The following TOPBP1 variants were observed in gnomAD, a reference collection of about 807,000 sequenced individuals.
TOPBP1 encodes the protein DNA topoisomerase 2-binding protein 1.
Under a neutral mutation model 167.7 loss-of-function variants are expected in TOPBP1, and 28 were observed. That is an observed-to-expected ratio of 0.17 (90% confidence interval 0.12 to 0.23). TOPBP1 has a LOEUF of 0.23. Ranked by LOEUF, TOPBP1 falls within the 10% of genes least tolerant of loss-of-function variation. TOPBP1 has a pLI of 1.00. For synonymous variants in TOPBP1, 598 were observed against 611.4 expected (o/e 0.98, Z 0.32); for missense variants, 1,554 against 1,809.6 (o/e 0.86, Z 2.56).
At chr3:133,629,557 T>C (rs986181602) in intron 14 of TOPBP1, among the ~76,000 whole-genome samples, 1 of 152,120 alleles carries the variant, frequency 6.6e-6, no homozygotes, top group Non-Finnish European at 1.5e-5. Flanking sequence ...TTAGACCCAA[T>C]TTCTTTTTAA....
At chr3:133,638,812 A>G (rs1455815524) in intron 13 of TOPBP1, among the ~76,000 whole-genome samples, 1 of 152,190 alleles carries the variant, frequency 6.6e-6, no homozygotes, top group Non-Finnish European at 1.5e-5. Context: ...AAACCTTATT[A>G]GATAGCTACT....
intron 27 of TOPBP1, among the ~76,000 whole-genome samples, chr3:133,606,633 C>T (rs948506483): frequency 1.3e-5 from 2 of 151,400 alleles, no homozygotes; most frequent in African/African-American, 2.4e-5. Context: ...TCAAAAGTTG[C>T]TGTACAGCTA....
rs781644540 is a variant in TOPBP1, at chr3:133,649,587, C to T, written c.1300G>A (p.Gly434Ser). The T allele has an allele frequency of 1.9e-6, 3 of 1,613,812 alleles. No homozygotes were observed. Among genetic ancestry groups the T allele is most frequent in the Non-Finnish European group, 2.5e-6 (3 of 1,179,852 alleles). ...TATGGTTCTTCAGAAAGCATATAAC[C>T]TTTACTGAAACACTCTAGCAACCAC... ...AKWLLECFSKGYMLSEEPYIH... is the reference protein window; with the variant it reads ...AKWLLECFSKSYMLSEEPYIH... Residue 434 changes from glycine (G) to serine (S), a missense_variant, in exon 10 of 28, where the codon GGT (glycine) becomes AGT (serine). Physicochemically the swap from Gly to Ser is moderately conservative, Grantham distance 56. Around this residue, in one of 3 missense-constraint regions of TOPBP1, gnomAD observed 1,197 missense variants for 1,351.5 expected, o/e 0.89. Coordinates refer to ENST00000260810, the MANE Select transcript of TOPBP1 (RefSeq NM_007027.4).
At chr3:133,634,063 T>C (rs755011951) in intron 14 of TOPBP1, among the ~76,000 whole-genome samples, 1 of 152,216 alleles carries the variant, frequency 6.6e-6, no homozygotes, top group Non-Finnish European at 1.5e-5. Flanking sequence ...TTCAACTCAG[T>C]TTGGACTGGC....
At chr3:133,628,170 C>T (rs1329224811) in intron 16 of TOPBP1, 192 bp downstream of exon 16, 2 of 581,020 alleles carry the variant, frequency 3.4e-6, no homozygotes, top group East Asian at 5.9e-5. Context: ...ACATTATATA[C>T]ATATAAGAGT....
intron 5 of TOPBP1, 133 bp downstream of exon 5, chr3:133,656,543 G>A (rs567603049): frequency 4.9e-5 from 42 of 861,182 alleles, no homozygotes; most frequent in African/African-American, 7.0e-5. Context: ...CTGCTCTTCC[G>A]TTTTCGCTGG....
intron 12 of TOPBP1, 95 bp downstream of exon 12, chr3:133,643,105 A>T: frequency 1.6e-6 from 2 of 1,239,526 alleles, no homozygotes; most frequent in Non-Finnish European, 2.2e-6. Context: ...TATAATAAAG[A>T]CACCCAACCA....
chr3:133,603,576 A>G (rs369872035), intron 27 of TOPBP1, among the ~76,000 whole-genome samples: 3 of 152,214 alleles, frequency 2.0e-5, no homozygotes, highest in East Asian at 3.8e-4. Context: ...ACCTCAGATA[A>G]TGTACATTCA....
chr3:133,638,297 A>G, intron 13 of TOPBP1, 135 bp from the exon 14 acceptor site: 1 of 828,890 alleles, frequency 1.2e-6, no homozygotes, highest in Non-Finnish European at 1.8e-6. Flanking sequence ...AGATCCATCT[A>G]CCTCGGCATC....
chr3:133,623,274 C>T (rs1365664559), intron 18 of TOPBP1, 37 bp downstream of exon 18: 1 of 1,612,816 alleles, frequency 6.2e-7, no homozygotes, highest in Non-Finnish European at 8.5e-7. Flanking sequence ...ATACCTTTAG[C>T]TTAAGAGGGG....
Position 133,611,135 on chromosome 3 carries a change from C to T in TOPBP1, c.4042G>A (p.Asp1348Asn), listed in dbSNP as rs1934661981. 1.2e-6 allele frequency: 2 copies of T among 1,609,926 alleles called. No individual in the cohort carries two copies. Among genetic ancestry groups the T allele is most frequent in the Non-Finnish European group, 1.7e-6 (2 of 1,177,636 alleles). Residue 1348 changes from aspartate (D) to asparagine (N), a missense_variant, in exon 25 of 28, where the codon GAC becomes AAC. By Grantham distance (23) the Asp-to-Asn change is conservative. Transcript: ENST00000260810. The part of the protein sequence containing the change: ...RTAGHFVQEE[D>N]YEWGSSSILD... ...ATGGAACTACTTCCCCATTCATAGTCTTCTTCCTAGAGAATTTGTCCAACA... is the reference window on the plus strand; with the variant it reads ...ATGGAACTACTTCCCCATTCATAGTTTTCTTCCTAGAGAATTTGTCCAACA...
intron 18 of TOPBP1, 51 bp from the exon 19 acceptor site, chr3:133,623,244 T>C (rs1376714399): frequency 3.7e-6 from 6 of 1,611,756 alleles, no homozygotes; most frequent in East Asian, 4.5e-5. Flanking sequence ...CTGTATAAGG[T>C]TTCATAGCAA....
rs1368493321 is a variant in TOPBP1 at position 133,601,187 on chromosome 3, G to A, written c.*63C>T. ...TAAATTACTACCCAAATCTATCACAGTCACATTCAGGCTTTCAATTTTTAA... is the reference window on the plus strand; with the variant it reads ...TAAATTACTACCCAAATCTATCACAATCACATTCAGGCTTTCAATTTTTAA... On this transcript the variant is annotated 3_prime_UTR_variant, in exon 28 of 28. Coordinates refer to ENST00000260810, the MANE Select transcript of TOPBP1 (RefSeq NM_007027.4). 1 of 1,419,488 alleles carries A rather than the reference G, an allele frequency of 7.0e-7. No homozygotes were observed. The highest frequency in any genetic ancestry group is 1.3e-5 in the South Asian group (1 of 75,868). 87.9% of individuals were successfully genotyped at this position (1,419,488 alleles called of 1,614,324 possible).
chr3:133,656,088 T>C (rs531805303), intron 5 of TOPBP1, among the ~76,000 whole-genome samples: 8 of 151,002 alleles, frequency 5.3e-5, no homozygotes, highest in Non-Finnish European at 7.4e-5. Flanking sequence ...GTTTATCTAG[T>C]TGCAGGGGAA....
At chr3:133,647,790 G>A (rs1265089744) in intron 10 of TOPBP1, among the ~76,000 whole-genome samples, 3 of 151,982 alleles carry the variant, frequency 2.0e-5, no homozygotes, top group South Asian at 4.2e-4. Flanking sequence ...AGGCAATAGC[G>A]GAAGAGATGA....
At chr3:133,608,446 T>C in intron 27 of TOPBP1, 89 bp downstream of exon 27, 1 of 1,422,898 alleles carries the variant, frequency 7.0e-7, no homozygotes, top group Non-Finnish European at 9.6e-7. Context: ...CTACTAATCA[T>C]GAGCTGAAGG....
chr3:133,619,520 A>T (rs1035269625), intron 20 of TOPBP1, among the ~76,000 whole-genome samples: 1 of 152,194 alleles, frequency 6.6e-6, no homozygotes, highest in Non-Finnish European at 1.5e-5. Flanking sequence ...CACACTAGAA[A>T]CTGTAATCAC....
In TOPBP1 at chr3:133,616,855, G is replaced by T; in HGVS notation, c.3830C>A (p.Pro1277His). ...ATGACAATAGTCAATACGTTCTTGAGGATTCAGAGATGATAACTGAAATAT... is the reference window on the plus strand; with the variant it reads ...ATGACAATAGTCAATACGTTCTTGATGATTCAGAGATGATAACTGAAATAT... ...QYIFQLSSLN[P>H]QERIDYCHLI... Residue 1277 changes from proline (P) to histidine (H), a missense_variant, in exon 23 of 28, where the codon CCT becomes CAT. By Grantham distance (77) the Pro-to-His change is moderately conservative. Coordinates refer to ENST00000260810, the MANE Select transcript of TOPBP1 (RefSeq NM_007027.4). 6.4e-7 allele frequency: 1 copy of T among 1,557,300 alleles called. No homozygotes were observed. The highest frequency in any genetic ancestry group is 8.7e-7 in the Non-Finnish European group (1 of 1,154,074).
intron 24 of TOPBP1, among the ~76,000 whole-genome samples, chr3:133,612,072 A>C: frequency 6.8e-6 from 1 of 146,394 alleles, no homozygotes; most frequent in African/African-American, 2.5e-5. Context: ...ATAGGGTCTC[A>C]CTCTTGTGGC....
Sources: gnomAD v4.1 joint callset for allele counts (sites outside exome capture counted in the v4.1 genomes callset) on GRCh38, gnomAD v4.1.1 for gene constraint, gnomAD v4.1.1 regional missense constraint, MANE v1.5 for transcripts, NCBI Gene and HGNC (gene_info 2026-07-23, HGNC 2026-07-21) for gene names.